Variants in MKNK2 observed in about 807,000 individuals in gnomAD.
MKNK2 encodes MAPK interacting serine/threonine kinase 2, also known as MAP kinase-interacting serine/threonine-protein kinase 2.
Under a neutral mutation model 55.0 loss-of-function variants are expected in MKNK2, and 54 were observed. The observed-to-expected ratio is 0.98, with a 90% CI of 0.79 to 1.23. The LOEUF (loss-of-function observed/expected upper bound fraction) is 1.23, where lower values mean the gene tolerates loss of function less well. Ranked by LOEUF, MKNK2 falls within the 50% of genes most tolerant of loss-of-function variation. The pLI is 0.00. For missense variants in MKNK2, 685 were observed against 632.1 expected (o/e 1.08, Z -0.90); for synonymous variants, 323 against 256.0 (o/e 1.26, Z -2.50).
At chr19:2,041,714 T>TGGTCAGGGGGC in intron 11 of MKNK2, 126 bp downstream of exon 11, 1 of 696,518 alleles carries the variant, frequency 1.4e-6, no homozygotes, top group South Asian at 2.0e-5. Context: ...GGTTAGGGGG[T>TGGTCAGGGGGC]GGTCAGGGGG....
chr19:2,045,276 C>G (rs2016973137), intron 5 of MKNK2, among the ~76,000 whole-genome samples: 1 of 152,168 alleles, frequency 6.6e-6, no homozygotes, highest in African/African-American at 2.4e-5. Flanking sequence ...CCCCCTGAGC[C>G]TCAGTGTCCC....
In MKNK2 at chr19:2,039,224, G is replaced by A. The variant is rs1310321765; in HGVS notation, c.*389C>T. 5.7e-6 allele frequency: 6 copies of A among 1,055,938 alleles called. No individual in the cohort carries two copies. The highest frequency in any genetic ancestry group is 4.0e-5 in the South Asian group (1 of 25,224). The allele number at this position is 1,055,938 out of a possible 1,614,324, so 65.4% of individuals were successfully genotyped here. On this transcript the variant is annotated 3_prime_UTR_variant, in exon 14 of 14. Coordinates refer to ENST00000250896, the MANE Select transcript of MKNK2 (RefSeq NM_199054.3). Reference sequence around the variant, plus strand: ...TCCCCAGCTCTGCAAGATGGCAAACGCTGTGGGCCTGCTCTCCTGAGTCAC... The same window carrying A: ...TCCCCAGCTCTGCAAGATGGCAAACACTGTGGGCCTGCTCTCCTGAGTCAC...
chr19:2,039,103 A>T lies in MKNK2; in HGVS notation c.*510T>A, dbSNP rs929648205. Reference sequence around the variant, plus strand: ...AGCCCCTCCCTTCCCCAACCAAGCCACCAGGGGTGCTCTCAGGGTGAGGGA... The same window carrying T: ...AGCCCCTCCCTTCCCCAACCAAGCCTCCAGGGGTGCTCTCAGGGTGAGGGA... On this transcript the variant is annotated 3_prime_UTR_variant, in exon 14 of 14. Transcript: ENST00000250896. 1 of 987,430 alleles carries T rather than the reference A, an allele frequency of 1.0e-6. No homozygotes were observed. Among genetic ancestry groups the T allele is most frequent in the Non-Finnish European group, 1.2e-6 (1 of 831,116 alleles). The allele number at this position is 987,430 out of a possible 1,614,324, so 61.2% of individuals were successfully genotyped here.
chr19:2,046,680 G>T lies in MKNK2; in HGVS notation c.63C>A (p.Pro21=). 1.3e-6 allele frequency: 2 copies of T among 1,533,092 alleles called. No homozygotes were observed. Among genetic ancestry groups the T allele is most frequent in the East Asian group, 2.4e-5 (1 of 42,316 alleles). The allele number at this position is 1,533,092 out of a possible 1,614,324, so 95.0% of individuals were successfully genotyped here. A position where few individuals can be genotyped will look rare whatever the true frequency, so the allele number is the denominator to read the frequency against. ...GGTCTAGGGAGAAGGCCAGCTCGAA[G>T]GGGTTCTGCCCCTGCAGGGGAGAGG... is the stretch of plus-strand genomic sequence containing the variant. ...GFHRSFKGQN[P]FELAFSLDQP... The change falls in exon 3 of 14, where the codon CCC becomes CCA. Residue 21 remains proline (P), a synonymous_variant. Transcript: ENST00000250896.
chr19:2,050,738 C>A, intron 2 of MKNK2, 63 bp downstream of exon 2: 1 of 1,463,918 alleles, frequency 6.8e-7, no homozygotes, highest in Non-Finnish European at 9.2e-7. Flanking sequence ...GGCCCCGCGC[C>A]CCCCACGCCG....
intron 2 of MKNK2, 50 bp from the exon 3 acceptor site, chr19:2,046,741 C>A (rs1039722034): frequency 2.2e-6 from 3 of 1,388,790 alleles, no homozygotes; most frequent in Non-Finnish European, 2.9e-6. Context: ...CCTGCCCACG[C>A]AGCAGGGAGA....
In MKNK2 at chr19:2,050,831, G is replaced by T. The variant is rs1350399616; in HGVS notation, c.21C>A (p.Ala7=). 2.1e-5 allele frequency: 33 copies of T among 1,537,398 alleles called. No individual in the cohort carries two copies. Among genetic ancestry groups the T allele is most frequent in the Non-Finnish European group, 2.9e-5 (33 of 1,141,830 alleles). The change falls in exon 2 of 14, where the codon GCC becomes GCA. Residue 7 remains alanine (A), a synonymous_variant. Transcript: ENST00000250896. MVQKKP[A]ELQGFHRSFK... ...ACGAACGGTGGAAACCCTGAAGTTC[G>T]GCTGGTTTCTTCTGCACCATCTTCT...
At chr19:2,040,292 G>A in intron 12 of MKNK2, 115 bp from the exon 13 acceptor site, 1 of 943,296 alleles carries the variant, frequency 1.1e-6, no homozygotes, top group Non-Finnish European at 1.5e-6. Context: ...GACCCCACCG[G>A]AGACCAGGAG....
In MKNK2 at chr19:2,041,821, G is replaced by C. The variant is rs200265849; in HGVS notation, c.945+19C>G. On this transcript the variant is annotated intron_variant, in intron 11 of 13. Transcript: ENST00000250896. ...GGGAGGAGGGTGCCCAGGAGAGGAG[G>C]GTGCGCGGGCCGCCGCACCTGGCAG... 1,280 of 1,497,780 alleles carry C rather than the reference G, an allele frequency of 8.5e-4. 13 individuals are homozygous for C. In the East Asian group the frequency reaches 0.024, roughly 29 times the overall value. The allele number at this position is 1,497,780 out of a possible 1,614,324, so 92.8% of individuals were successfully genotyped here.
In MKNK2 at chr19:2,038,138, T is replaced by TCAGGAGGGG. The variant is rs2016793244; in HGVS notation, c.*1466_*1474dup. The TCAGGAGGGG allele has an allele frequency of 9.5e-7, 1 of 1,057,460 alleles. No individual in the cohort carries two copies. The highest frequency in any genetic ancestry group is 1.1e-6 in the Non-Finnish European group (1 of 877,966). 65.5% of individuals were successfully genotyped at this position (1,057,460 alleles called of 1,614,324 possible). On this transcript the variant is annotated 3_prime_UTR_variant, in exon 14 of 14. Transcript: ENST00000250896. The stretch of plus-strand genomic sequence containing the variant: ...CCGGACTGTGACCATCATACGAGAT[T>TCAGGAGGGG]CAGGAGGGGCAGCAGGGCCAGGCAG...
chr19:2,042,750 C>A lies in MKNK2; in HGVS notation c.598+16G>T. On this transcript the variant is annotated intron_variant, in intron 8 of 13. Coordinates refer to ENST00000250896, the MANE Select transcript of MKNK2 (RefSeq NM_199054.3). ...GCAGGCGGCCCTAGGAGACTCCGGG[C>A]GGGGTCACCACCTACCTTTGTTATG... is the stretch of plus-strand genomic sequence containing the variant. The A allele has an allele frequency of 6.4e-7, 1 of 1,557,798 alleles. No homozygotes were observed. The highest frequency in any genetic ancestry group is 8.7e-7 in the Non-Finnish European group (1 of 1,147,816).
At chr19:2,042,403 C>G in intron 10 of MKNK2, 24 bp downstream of exon 10, 3 of 1,553,438 alleles carry the variant, frequency 1.9e-6, no homozygotes, top group Non-Finnish European at 2.6e-6. Context: ...GGCCGAGCCC[C>G]CAGCCCTCCC....
Position 2,038,235 on chromosome 19 carries a change from C to T in MKNK2, c.*1378G>A. 1 of 991,498 alleles carries T rather than the reference C, an allele frequency of 1.0e-6. No individual in the cohort carries two copies. The allele number at this position is 991,498 out of a possible 1,614,324, so 61.4% of individuals were successfully genotyped here. A position where few individuals can be genotyped will look rare whatever the true frequency, so the allele number is the denominator to read the frequency against. On this transcript the variant is annotated 3_prime_UTR_variant, in exon 14 of 14. Transcript: ENST00000250896. Reference sequence around the variant, plus strand: ...TCTTCAAGAACAGGGAAGCAAAGTCCATCGATGTGTTGTTTTTTTTTAAGG... The same window carrying T: ...TCTTCAAGAACAGGGAAGCAAAGTCTATCGATGTGTTGTTTTTTTTTAAGG...
chr19:2,043,975 CAAAAAAAAAAAAAA>C (rs34533507), intron 5 of MKNK2, among the ~76,000 whole-genome samples: 4 of 23,828 alleles, frequency 1.7e-4, no homozygotes. Context: ...GACTTCGCCT[CAAAAAAAAAAAAAA>C]AAAAAAAAAA....
chr19:2,038,579 G>C lies in MKNK2; in HGVS notation c.*1034C>G. Reference sequence around the variant, plus strand: ...TGGCAGACCAAAAACACTGCCCTGGGGGTGAGGATTCGGCCAGACCCCGGG... The same window carrying C: ...TGGCAGACCAAAAACACTGCCCTGGCGGTGAGGATTCGGCCAGACCCCGGG... On this transcript the variant is annotated 3_prime_UTR_variant, in exon 14 of 14. Coordinates refer to ENST00000250896, the MANE Select transcript of MKNK2 (RefSeq NM_199054.3). The C allele has an allele frequency of 2.0e-6, 2 of 985,544 alleles. No individual in the cohort carries two copies. The highest frequency in any genetic ancestry group is 2.4e-6 in the Non-Finnish European group (2 of 829,966). 61.0% of individuals were successfully genotyped at this position (985,544 alleles called of 1,614,324 possible).
intron 2 of MKNK2, among the ~76,000 whole-genome samples, chr19:2,049,300 G>A (rs2017063449): frequency 6.6e-6 from 1 of 152,252 alleles, no homozygotes; most frequent in South Asian, 2.1e-4. Context: ...CTGGGCTGCT[G>A]CCTGCTGGAG....
intron 12 of MKNK2, chr19:2,040,489 C>T (rs890289034): frequency 4.3e-5 from 18 of 414,416 alleles, no homozygotes; most frequent in Non-Finnish European, 6.5e-5. Context: ...CCCACCTCCG[C>T]CCCCCTCTTA....
At chr19:2,048,018 G>A (rs568625481) in intron 2 of MKNK2, among the ~76,000 whole-genome samples, 3 of 151,270 alleles carry the variant, frequency 2.0e-5, no homozygotes, top group Non-Finnish European at 4.4e-5. Flanking sequence ...AGTATACACA[G>A]TGCTGTACTG....
At chr19:2,043,064 C>T in intron 7 of MKNK2, 60 bp downstream of exon 7, 1 of 1,460,794 alleles carries the variant, frequency 6.8e-7, no homozygotes, top group Non-Finnish European at 9.6e-7. Flanking sequence ...TGGCACTAGG[C>T]CCCCATCCCG....
Sources: gnomAD v4.1 joint callset for allele counts (sites outside exome capture counted in the v4.1 genomes callset) on GRCh38, gnomAD v4.1.1 for gene constraint, MANE v1.5 for transcripts, NCBI Gene and HGNC (gene_info 2026-07-23, HGNC 2026-07-21) for gene names.